The following GRID1 variants were observed in gnomAD, a reference collection of about 807,000 sequenced individuals.
GRID1 encodes glutamate receptor ionotropic, delta-1.
GRID1 carries 28 observed loss-of-function variants against 98.0 expected under a neutral mutation model. That is an observed-to-expected ratio of 0.29 (90% CI 0.21 to 0.39). GRID1 has a LOEUF of 0.39. Among genes scored for constraint, GRID1 ranks in the 10% least tolerant of loss-of-function variants. The pLI, the probability that GRID1 is intolerant of heterozygous loss-of-function variation, is 1.00. For synonymous variants in GRID1, 553 were observed against 538.5 expected (o/e 1.03, Z -0.37); for missense variants, 1,111 against 1,340.5 (o/e 0.83, Z 2.67).
intron 4 of GRID1, among the ~76,000 whole-genome samples, chr10:85,940,087 A>AAGAG (rs1264419943): frequency 1.5e-5 from 2 of 137,326 alleles, no homozygotes; most frequent in African/African-American, 2.8e-5. Context: ...AAAAAAAAAA[A>AAGAG]AGAGAGAGAG....
intron 2 of GRID1, among the ~76,000 whole-genome samples, chr10:86,272,338 C>T (rs1189050377): frequency 2.0e-5 from 3 of 152,132 alleles, no homozygotes; most frequent in African/African-American, 7.2e-5. Context: ...TTTACAGCAA[C>T]CAAGAGAACA....
chr10:86,349,961 C>T (rs1052615856), intron 2 of GRID1, among the ~76,000 whole-genome samples: 3 of 152,174 alleles, frequency 2.0e-5, no homozygotes, highest in African/African-American at 4.8e-5. Flanking sequence ...AGGAAAAGAA[C>T]ATTTTGGTAG....
chr10:85,722,797 T>C (rs1237612787), intron 12 of GRID1, among the ~76,000 whole-genome samples: 2 of 152,222 alleles, frequency 1.3e-5, no homozygotes, highest in Non-Finnish European at 2.9e-5. Flanking sequence ...GGAAATATTA[T>C]TTAATGAATT....
intron 8 of GRID1, among the ~76,000 whole-genome samples, chr10:85,776,684 C>T (rs1842334643): frequency 6.6e-6 from 1 of 152,222 alleles, no homozygotes; most frequent in Non-Finnish European, 1.5e-5. Flanking sequence ...TCTATGTCAA[C>T]AAGCAAATGC....
chr10:86,231,984 C>T (rs535701517), intron 2 of GRID1, among the ~76,000 whole-genome samples: 17 of 150,958 alleles, frequency 1.1e-4, no homozygotes, highest in African/African-American at 2.2e-4. Context: ...CAAACCCTCC[C>T]GTGTATCCGC....
intron 2 of GRID1, among the ~76,000 whole-genome samples, chr10:86,341,633 C>T (rs987528793): frequency 1.1e-4 from 16 of 152,164 alleles, no homozygotes; most frequent in African/African-American, 2.7e-4. Flanking sequence ...CACAAAACCA[C>T]GGACACATTT....
At chr10:85,890,739 A>G (rs891155839) in intron 5 of GRID1, among the ~76,000 whole-genome samples, 7 of 152,128 alleles carry the variant, frequency 4.6e-5, no homozygotes, top group Non-Finnish European at 8.8e-5. Flanking sequence ...GGAAGAAGGG[A>G]AGGGAAGGAG....
rs561496719 is a variant in GRID1 at position 86,131,551 on chromosome 10, A to G, written c.726+7268T>C. 3.9e-5 allele frequency among the ~76,000 whole-genome samples: 6 copies of G among 152,272 alleles called. No individual in the cohort carries two copies. The South Asian group carries it at 8.3e-4, about 21-fold the overall frequency. The stretch of plus-strand genomic sequence containing the variant: ...TTCACAGTTCTCTTTGACCCCAGAC[A>G]GGCCTCCCAGACAGTCTCTGTAAGG... On this transcript the variant is annotated intron_variant, in intron 4 of 15. Coordinates refer to ENST00000327946, the MANE Select transcript of GRID1 (RefSeq NM_017551.3).
intron 4 of GRID1, among the ~76,000 whole-genome samples, chr10:86,020,187 G>A (rs1417470432): frequency 6.6e-6 from 1 of 152,226 alleles, no homozygotes; most frequent in Non-Finnish European, 1.5e-5. Context: ...CCACTTATGA[G>A]CAAACTTGTT....
intron 13 of GRID1, among the ~76,000 whole-genome samples, chr10:85,637,911 A>C (rs1843068778): frequency 6.6e-6 from 1 of 152,192 alleles, no homozygotes; most frequent in African/African-American, 2.4e-5. Context: ...ATTCCTTGAC[A>C]AAAAGATTAA....
intron 2 of GRID1, among the ~76,000 whole-genome samples, chr10:86,256,810 C>G (rs992878165): frequency 1.3e-5 from 2 of 152,176 alleles, no homozygotes; most frequent in Non-Finnish European, 2.9e-5. Context: ...CCTGGGCTCC[C>G]TTGCCCCTTG....
intron 5 of GRID1, among the ~76,000 whole-genome samples, chr10:85,883,275 T>C (rs1488707868): frequency 1.3e-5 from 2 of 152,220 alleles, no homozygotes; most frequent in African/African-American, 4.8e-5. Flanking sequence ...TCATTTCCTT[T>C]TCTATTTTGC....
chr10:86,286,370 C>T (rs1481986664), intron 2 of GRID1, among the ~76,000 whole-genome samples: 1 of 152,084 alleles, frequency 6.6e-6, no homozygotes, highest in East Asian at 1.9e-4. Flanking sequence ...CCTGTGTCTC[C>T]GTGGGTGGAG....
At chr10:85,699,855 C>T (rs755808278) in intron 12 of GRID1, among the ~76,000 whole-genome samples, 4 of 152,110 alleles carry the variant, frequency 2.6e-5, no homozygotes, top group African/African-American at 4.8e-5. Flanking sequence ...TCAAAGTATT[C>T]GCTTATTTTA....
At chr10:85,977,227 G>T (rs1589321368) in intron 4 of GRID1, among the ~76,000 whole-genome samples, 1 of 152,216 alleles carries the variant, frequency 6.6e-6, no homozygotes, top group East Asian at 1.9e-4. Flanking sequence ...TGGCTGGCAT[G>T]TAGTAGATGC....
At chr10:85,734,138 G>T (rs1841853936) in intron 8 of GRID1, among the ~76,000 whole-genome samples, 1 of 152,082 alleles carries the variant, frequency 6.6e-6, no homozygotes, top group African/African-American at 2.4e-5. Context: ...AAGGAATTTT[G>T]GTCTAGGGGT....
intron 4 of GRID1, among the ~76,000 whole-genome samples, chr10:86,088,666 C>G (rs1217193079): frequency 6.6e-6 from 1 of 152,140 alleles, no homozygotes; most frequent in Non-Finnish European, 1.5e-5. Context: ...AGTAGACATA[C>G]TTTTTCCTTA....
At chr10:85,948,585 T>C (rs1414095105) in intron 4 of GRID1, among the ~76,000 whole-genome samples, 1 of 152,252 alleles carries the variant, frequency 6.6e-6, no homozygotes, top group African/African-American at 2.4e-5. Context: ...TAGAGGTATT[T>C]GCAATAGACA....
At chr10:86,220,494 C>G (rs988020339) in intron 2 of GRID1, among the ~76,000 whole-genome samples, 2 of 152,202 alleles carry the variant, frequency 1.3e-5, no homozygotes, top group African/African-American at 4.8e-5. Flanking sequence ...GTACAGGTAA[C>G]TTACCACCCA....
Sources: allele counts gnomAD v4.1 joint callset (sites outside exome capture counted in the v4.1 genomes callset), GRCh38; gene constraint gnomAD v4.1.1; transcripts MANE v1.5; gene names NCBI Gene and HGNC (gene_info 2026-07-23, HGNC 2026-07-21).